IRS2: variants seen among roughly 807,000 people sequenced by gnomAD.
The protein encoded by IRS2 is insulin receptor substrate 2.
A neutral mutation model predicts 70.9 loss-of-function variants in IRS2; 28 were observed. The ratio of observed to expected loss-of-function variants is 0.39; its 90% CI spans 0.29 to 0.54. The LOEUF is 0.54. IRS2 is among the 20% of genes least tolerant of loss of function. IRS2 has a pLI of 0.59. For synonymous variants in IRS2, 1,217 were observed against 981.9 expected (o/e 1.24, Z -4.48); for missense variants, 2,081 against 2,024.1 (o/e 1.03, Z -0.54).
chr13:109,768,814 G>A (rs1486123784), intron 1 of IRS2, among the ~76,000 whole-genome samples: 4 of 152,086 alleles, frequency 2.6e-5, no homozygotes, highest in African/African-American at 9.7e-5. Flanking sequence ...GACTGGGAAA[G>A]TTTCTCCAAC....
chr13:109,773,763 A>G (rs921409054), intron 1 of IRS2, among the ~76,000 whole-genome samples: 9 of 152,206 alleles, frequency 5.9e-5, no homozygotes, highest in Non-Finnish European at 8.8e-5. Context: ...CTTTTAGTCT[A>G]TGGATGAAGA....
At position 109,785,104 on chromosome 13, in the gene IRS2, A is replaced by G. The variant is rs2138937512; in HGVS notation, c.950T>C (p.Ile317Thr). 1.3e-6 allele frequency: 2 copies of G among 1,590,292 alleles called. No individual in the cohort carries two copies. Among genetic ancestry groups the G allele is most frequent in the Non-Finnish European group, 1.7e-6 (2 of 1,169,548 alleles). ...QSSGSSATHP[I>T]SVPGARRHHH... ...GTGGCGGCGCGCGCCGGGGACGCTG[A>G]TGGGGTGCGTGGCCGACGACCCCGA... The change falls in exon 1 of 2, where the codon ATC (isoleucine) becomes ACC (threonine). Residue 317 changes from isoleucine (I) to threonine (T), a missense_variant. Physicochemically the swap from Ile to Thr is moderately conservative, Grantham distance 89 (BLOSUM62 -1). This residue lies in a region of IRS2 where 111 missense variants were observed against 133.1 expected (regional missense o/e 0.83). Coordinates refer to ENST00000375856, the MANE Select transcript of IRS2 (RefSeq NM_003749.3). This position sits in a 1 kb window ranked among gnomAD's most constrained non-coding sequence, Gnocchi z 9.3.
chr13:109,760,555 G>A (rs1877203602), intron 1 of IRS2, among the ~76,000 whole-genome samples: 1 of 152,216 alleles, frequency 6.6e-6, no homozygotes, highest in African/African-American at 2.4e-5. Context: ...GTCGTGCAGT[G>A]TATCCACTCC....
At position 109,783,585 on chromosome 13, in the gene IRS2, G is replaced by A. The variant is rs2138933087; in HGVS notation, c.2469C>T (p.Tyr823=). 1.3e-6 allele frequency: 2 copies of A among 1,547,282 alleles called. No individual in the cohort carries two copies. The highest frequency in any genetic ancestry group is 8.7e-7 in the Non-Finnish European group (1 of 1,144,700). The change falls in exon 1 of 2, where the codon TAC becomes TAT. Residue 823 remains tyrosine, a synonymous_variant. Coordinates refer to ENST00000375856, the MANE Select transcript of IRS2 (RefSeq NM_003749.3). ...PYTCGGDSDQ[Y]VLMSSPVGRI... ...GCCCCACGGGGGAGCTCATGAGCAC[G>A]TACTGGTCGCTGTCCCCGCCACAGG...
chr13:109,763,041 T>A (rs995031249), intron 1 of IRS2, among the ~76,000 whole-genome samples: 1 of 152,180 alleles, frequency 6.6e-6, no homozygotes, highest in African/African-American at 2.4e-5. Flanking sequence ...ATGGCTGCTT[T>A]CACACCATAA....
rs1361604007 is a variant in IRS2, at chr13:109,785,687, C to A, written c.367G>T (p.Ala123Ser). The A allele has an allele frequency of 6.3e-7, 1 of 1,599,508 alleles. No individual in the cohort carries two copies. The change falls in exon 1 of 2, where the codon GCC becomes TCC. Residue 123 changes from alanine to serine, a missense_variant. Transcript: ENST00000375856. The surrounding 1 kb of genome is among the most constrained non-coding windows in gnomAD (Gnocchi z 9.3). ...TCCTGCTCGTTCTCGGCGGCCACGG[C>A]GAAGTACTCGTCCTTGGTGTAGAGG... ...IALYTKDEYF[A>S]VAAENEQEQE...
Position 109,782,849 on chromosome 13 carries a change from T to C in IRS2, c.3205A>G (p.Asn1069Asp), listed in dbSNP as rs753422214. The change falls in exon 1 of 2, where the codon AAT becomes GAT. Residue 1069 changes from asparagine (N) to aspartate (D), a missense_variant. Asn to Asp is a conservative substitution (Grantham distance 23). This residue lies in a region of IRS2 where 1,615 missense variants were observed against 1,459.5 expected (regional missense o/e 1.11). Coordinates refer to ENST00000375856, the MANE Select transcript of IRS2 (RefSeq NM_003749.3). The stretch of plus-strand genomic sequence containing the variant: ...AAAGCCATCTCGGTGTAGTCACCAT[T>C]GTCCCCGGTGTCCGAGGACAACGAT... Reference protein sequence around the residue: ...ASSLSSDTGDNGDYTEMAFGV... With the variant: ...ASSLSSDTGDDGDYTEMAFGV... The C allele has an allele frequency of 8.2e-6, 13 of 1,581,078 alleles. No homozygotes were observed. The highest frequency in any genetic ancestry group is 1.1e-5 in the Non-Finnish European group (13 of 1,164,794).
At chr13:109,774,563 A>C (rs1038087009) in intron 1 of IRS2, among the ~76,000 whole-genome samples, 50 of 151,540 alleles carry the variant, frequency 3.3e-4, no homozygotes, top group African/African-American at 1.2e-3. Flanking sequence ...ATCCTAATGT[A>C]ATTATTGCAT....
rs1014664084 is a variant in IRS2, at chr13:109,786,434, C to T, written c.-381G>A. On this transcript the variant is annotated 5_prime_UTR_variant, in exon 1 of 2. Transcript: ENST00000375856. This position sits in a 1 kb window ranked among gnomAD's most constrained non-coding sequence, Gnocchi z 4.4. ...GGCGCGCGCGGCCGCACCGGGGCTG[C>T]TGCCGCCGCGTCGCGCTCCGGGAAG... is the stretch of plus-strand genomic sequence containing the variant. 2.1e-4 allele frequency: 31 copies of T among 147,686 alleles called. No homozygotes were observed. The highest frequency in any genetic ancestry group is 4.1e-4 in the Non-Finnish European group (27 of 66,110). 9.1% of individuals were successfully genotyped at this position (147,686 alleles called of 1,614,324 possible).
At chr13:109,765,061 G>A (rs748445580) in intron 1 of IRS2, among the ~76,000 whole-genome samples, 12 of 151,930 alleles carry the variant, frequency 7.9e-5, no homozygotes, top group African/African-American at 2.2e-4. Flanking sequence ...CCCTTGCCAC[G>A]TCACACATGC....
Position 109,783,743 on chromosome 13 carries a change from G to C in IRS2, c.2311C>G (p.Pro771Ala), listed in dbSNP as rs752169439. Reference sequence around the variant, plus strand: ...GTGCCCGTGGTGACCGCGTCGCTGGGGGACACGTTGAGGTAGTCCCCGTTG... The same window carrying C: ...GTGCCCGTGGTGACCGCGTCGCTGGCGGACACGTTGAGGTAGTCCCCGTTG... The part of the protein sequence containing the change: ...LPNGDYLNVS[P>A]SDAVTTGTPP... The change falls in exon 1 of 2, where the codon CCC becomes GCC. Residue 771 changes from proline to alanine, a missense_variant. Pro to Ala is a conservative substitution (Grantham distance 27, BLOSUM62 -1). This residue lies in a region of IRS2 where 1,615 missense variants were observed against 1,459.5 expected (regional missense o/e 1.11). Coordinates refer to ENST00000375856, the MANE Select transcript of IRS2 (RefSeq NM_003749.3). The C allele has an allele frequency of 6.3e-7, 1 of 1,588,024 alleles. No individual in the cohort carries two copies. Among genetic ancestry groups the C allele is most frequent in the East Asian group, 2.3e-5 (1 of 43,284 alleles).
chr13:109,779,545 G>A (rs1021151074), intron 1 of IRS2, among the ~76,000 whole-genome samples: 1 of 152,100 alleles, frequency 6.6e-6, no homozygotes, highest in African/African-American at 2.4e-5. Context: ...CTGTCTCAAC[G>A]GACCACAACT....
Position 109,784,767 on chromosome 13 carries a change from G to A in IRS2, c.1287C>T (p.Arg429=). The A allele has an allele frequency of 8.0e-7, 1 of 1,252,252 alleles. No homozygotes were observed. The highest frequency in any genetic ancestry group is 1.6e-5 in the African/African-American group (1 of 63,420). 77.6% of individuals were successfully genotyped at this position (1,252,252 alleles called of 1,614,324 possible). A position where few individuals can be genotyped will look rare whatever the true frequency, so the allele number is the denominator to read the frequency against. The change falls in exon 1 of 2, where the codon CGC becomes CGT. Residue 429 remains arginine, a synonymous_variant. Transcript: ENST00000375856. The surrounding 1 kb of genome is among the most constrained non-coding windows in gnomAD (Gnocchi z 5.2). ...LPAGGALQHS[R]SMSMPVAHSP... ...AGTGCGCCACGGGCATGGACATGGA[G>A]CGGCTGTGTTGCAGCGCGCCCCCTG...
At chr13:109,756,546 G>A (rs1393550772) in intron 1 of IRS2, among the ~76,000 whole-genome samples, 2 of 152,202 alleles carry the variant, frequency 1.3e-5, no homozygotes, top group African/African-American at 4.8e-5. Flanking sequence ...AGACAGTTAG[G>A]TTCGTATTTT....
At chr13:109,767,969 A>G (rs1400766773) in intron 1 of IRS2, among the ~76,000 whole-genome samples, 1 of 152,144 alleles carries the variant, frequency 6.6e-6, no homozygotes, top group Non-Finnish European at 1.5e-5. Context: ...CTGATCTTGT[A>G]ATCCACCAGC....
chr13:109,758,203 G>C (rs1473033944), intron 1 of IRS2, among the ~76,000 whole-genome samples: 3 of 152,114 alleles, frequency 2.0e-5, no homozygotes, highest in African/African-American at 7.2e-5. Context: ...AACACACCTT[G>C]AGACTTGTAA....
In IRS2 at chr13:109,785,855, C is replaced by T; in HGVS notation, c.199G>A (p.Ala67Thr). Reference protein sequence around the residue: ...GDEATAGGGSAPQPPRLEYYE... With the variant: ...GDEATAGGGSTPQPPRLEYYE... ...TACTCGAGCCGCGGCGGTTGCGGCGCCGACCCCCCGCCCGCCGTCGCCTCG... is the reference window on the plus strand; with the variant it reads ...TACTCGAGCCGCGGCGGTTGCGGCGTCGACCCCCCGCCCGCCGTCGCCTCG... The change falls in exon 1 of 2, where the codon GCG becomes ACG. Residue 67 changes from alanine to threonine, a missense_variant. This residue lies in a region of IRS2 where 320 missense variants were observed against 352.9 expected (regional missense o/e 0.91). Coordinates refer to ENST00000375856, the MANE Select transcript of IRS2 (RefSeq NM_003749.3). This position sits in a 1 kb window ranked among gnomAD's most constrained non-coding sequence, Gnocchi z 9.3. The T allele has an allele frequency of 6.6e-7, 1 of 1,517,166 alleles. No homozygotes were observed. Among genetic ancestry groups the T allele is most frequent in the Non-Finnish European group, 8.8e-7 (1 of 1,137,396 alleles). The allele number at this position is 1,517,166 out of a possible 1,614,324, so 94.0% of individuals were successfully genotyped here.
chr13:109,784,556 G>C lies in IRS2; in HGVS notation c.1498C>G (p.Leu500Val), dbSNP rs1406878614. Residue 500 changes from leucine to valine, a missense_variant, in exon 1 of 2, where the codon CTG becomes GTG. By Grantham distance (32) the Leu-to-Val change is conservative (BLOSUM62 1). Transcript: ENST00000375856. The surrounding 1 kb of genome is among the most constrained non-coding windows in gnomAD (Gnocchi z 5.2). ...CCTGGGCTGGAGCCGTACTCGTCCA[G>C]GGACATGAAGCCGGGGTCGCTGGGG... Reference protein sequence around the residue: ...GSPSDPGFMSLDEYGSSPGDL... With the variant: ...GSPSDPGFMSVDEYGSSPGDL... 6.9e-7 allele frequency: 1 copy of C among 1,446,660 alleles called. No homozygotes were observed. The highest frequency in any genetic ancestry group is 9.0e-7 in the Non-Finnish European group (1 of 1,106,186). 89.6% of individuals were successfully genotyped at this position (1,446,660 alleles called of 1,614,324 possible).
Position 109,782,232 on chromosome 13 carries a change from C to G in IRS2, c.3822G>C (p.Pro1274=), listed in dbSNP as rs747377220. Residue 1274 remains proline (P), a synonymous_variant, in exon 1 of 2, where the codon CCG becomes CCC. Transcript: ENST00000375856. ...LPPQPQPPPP[P]LPQPGDKSSW... ...AGCTCTTGTCTCCCGGCTGAGGAAG[C>G]GGCGGCGGCGGCGGCTGCGGCTGGG... 6.3e-7 allele frequency: 1 copy of G among 1,595,200 alleles called. No individual in the cohort carries two copies. Among genetic ancestry groups the G allele is most frequent in the Non-Finnish European group, 8.5e-7 (1 of 1,170,672 alleles).
Sources: gnomAD v4.1 joint callset for allele counts (sites outside exome capture counted in the v4.1 genomes callset) on GRCh38, gnomAD v4.1.1 for gene constraint, gnomAD v4.1.1 regional missense constraint, Gnocchi (gnomAD v3.1) non-coding constraint, MANE v1.5 for transcripts, NCBI Gene and HGNC (gene_info 2026-07-23, HGNC 2026-07-21) for gene names.